ADARB2: variants seen among roughly 807,000 people sequenced by gnomAD.
ADARB2 encodes the protein adenosine deaminase RNA specific B2 (inactive).
A neutral mutation model predicts 62.2 loss-of-function variants in ADARB2; 25 were observed. The ratio of observed to expected loss-of-function variants is 0.40; its 90% CI spans 0.29 to 0.56. The LOEUF is 0.56. ADARB2 is among the 20% of genes least tolerant of loss of function. The probability of loss-of-function intolerance (pLI) is 0.43; values close to 1 mark genes in which losing one functional copy is unlikely to be tolerated. For synonymous variants in ADARB2, 572 were observed against 500.8 expected (o/e 1.14, Z -1.90); for missense variants, 1,071 against 1,077.4 (o/e 0.99, Z 0.08).
intron 1 of ADARB2, among the ~76,000 whole-genome samples, chr10:1,404,069 CA>C (rs1832686578): frequency 6.6e-6 from 1 of 152,232 alleles, no homozygotes; most frequent in Non-Finnish European, 1.5e-5. Flanking sequence ...TCTGTGTCCC[CA>C]CAGCTGGAAA....
At chr10:1,233,117 C>T (rs1326748256) in intron 6 of ADARB2, among the ~76,000 whole-genome samples, 1 of 152,120 alleles carries the variant, frequency 6.6e-6, no homozygotes, top group Non-Finnish European at 1.5e-5. Flanking sequence ...TGCCCTCCGA[C>T]CCTGGCAATC....
At chr10:1,312,060 T>A (rs1589188981) in intron 3 of ADARB2, among the ~76,000 whole-genome samples, 1 of 152,222 alleles carries the variant, frequency 6.6e-6, no homozygotes, top group East Asian at 1.9e-4. Context: ...TCAAATAAAC[T>A]CATGTGAAAA....
In ADARB2 at chr10:1,270,994, C is replaced by T. The variant is rs776230414; in HGVS notation, c.1153G>A (p.Ala385Thr). The change falls in exon 4 of 10, where the codon GCC becomes ACC. Residue 385 changes from alanine to threonine, a missense_variant. Physicochemically the swap from Ala to Thr is moderately conservative, Grantham distance 58. Transcript: ENST00000381312. The part of the protein sequence containing the change: ...EVTTDLTPMH[A>T]RHKALAGIVM... ...ATTCCTGCCAGCGCTTTATGGCGGG[C>T]GTGCATGGGCGTGAGGTCCGTCGTC... is the stretch of plus-strand genomic sequence containing the variant. 8.6e-5 allele frequency: 139 copies of T among 1,609,546 alleles called. No homozygotes were observed. In the South Asian group the frequency reaches 9.7e-4, roughly 11 times the overall value.
In ADARB2 at chr10:1,363,490, G is replaced by A; in HGVS notation, c.615C>T (p.Gly205=). 2.7e-6 allele frequency: 4 copies of A among 1,509,340 alleles called. No homozygotes were observed. The highest frequency in any genetic ancestry group is 3.5e-6 in the Non-Finnish European group (4 of 1,133,538). 93.5% of individuals were successfully genotyped at this position (1,509,340 alleles called of 1,614,324 possible). A position where few individuals can be genotyped will look rare whatever the true frequency, so the allele number is the denominator to read the frequency against. Residue 205 remains glycine, a synonymous_variant, in exon 3 of 10, where the codon GGC becomes GGT. Transcript: ENST00000381312. ...AGGTGAAGTCCGTGCCGGGGCCCGG[G>A]CCCCCGCCCATGGCCAGGTGCGCCT... is the stretch of plus-strand genomic sequence containing the variant. ...ACQAHLAMGG[G]PGPGTDFTSD...
At chr10:1,213,515 T>C (rs2387307) in intron 7 of ADARB2, among the ~76,000 whole-genome samples, 43,987 of 152,128 alleles carry the variant, frequency 0.29, 7,469 homozygotes, top group South Asian at 0.46. Context: ...CCCTGTCCAC[T>C]GCACCCCTGT....
At position 1,332,978 on chromosome 10, in the gene ADARB2, C is replaced by T. The variant is rs371145980; in HGVS notation, c.1077+30050G>A. On this transcript the variant is annotated intron_variant, in intron 3 of 9. Coordinates refer to ENST00000381312, the MANE Select transcript of ADARB2 (RefSeq NM_018702.4). Reference sequence around the variant, plus strand: ...CTTGTGTTGATGGTGGCAGAGCCAGCGATCTGACAACCTTCCTCTGTTAGC... The same window carrying T: ...CTTGTGTTGATGGTGGCAGAGCCAGTGATCTGACAACCTTCCTCTGTTAGC... 3.8e-4 allele frequency among the ~76,000 whole-genome samples: 58 copies of T among 152,310 alleles called. 2 individuals carry two copies. The highest frequency in any genetic ancestry group is 1.3e-3 in the African/African-American group (55 of 41,570).
chr10:1,630,658 T>C (rs1460430016), intron 1 of ADARB2, among the ~76,000 whole-genome samples: 1 of 152,180 alleles, frequency 6.6e-6, no homozygotes, highest in Non-Finnish European at 1.5e-5. Flanking sequence ...TGGTGGTTTA[T>C]TAAAGGTCTA....
chr10:1,600,431 T>C (rs920301519), intron 1 of ADARB2, among the ~76,000 whole-genome samples: 8 of 151,526 alleles, frequency 5.3e-5, no homozygotes, highest in Admixed American at 3.3e-4. Flanking sequence ...GAAGCTGAGA[T>C]GGGGGGATCA....
At chr10:1,443,649 A>C (rs1355575793) in intron 1 of ADARB2, among the ~76,000 whole-genome samples, 2 of 152,086 alleles carry the variant, frequency 1.3e-5, no homozygotes, top group African/African-American at 4.8e-5. Flanking sequence ...CCTTTTTTTC[A>C]GATATCAGTA....
chr10:1,623,076 G>A (rs1052052122), intron 1 of ADARB2, among the ~76,000 whole-genome samples: 4 of 152,174 alleles, frequency 2.6e-5, no homozygotes, highest in South Asian at 2.1e-4. Context: ...GAAGGAAGAC[G>A]TGACGTATGG....
At chr10:1,451,985 T>C (rs1831045804) in intron 1 of ADARB2, among the ~76,000 whole-genome samples, 1 of 152,194 alleles carries the variant, frequency 6.6e-6, no homozygotes, top group Admixed American at 6.5e-5. Flanking sequence ...AGTGGCTTGT[T>C]AAAGGACAGC....
chr10:1,730,659 T>A (rs1835219029), intron 1 of ADARB2, among the ~76,000 whole-genome samples: 1 of 138,154 alleles, frequency 7.2e-6, no homozygotes, highest in South Asian at 2.4e-4. Flanking sequence ...AGCACACATG[T>A]TACTCTTCTT....
rs948838664 is a variant in ADARB2, at chr10:1,177,674, C to T, written c.*5519G>A. ...AAGAGGCACTGGGACCAGGTGATCT[C>T]GCCTTGGTGTTTAGGGAATGCTCAT... On this transcript the variant is annotated 3_prime_UTR_variant, in exon 10 of 10. Transcript: ENST00000381312. The T allele has an allele frequency of 8.5e-5, 13 of 152,108 alleles. No individual in the cohort carries two copies. The highest frequency in any genetic ancestry group is 2.2e-4 in the African/African-American group (9 of 41,416). 9.4% of individuals were successfully genotyped at this position (152,108 alleles called of 1,614,324 possible).
chr10:1,204,738 G>A lies in ADARB2; in HGVS notation c.1683-4591C>T, dbSNP rs187631354. Among the ~76,000 whole-genome samples, 33 of 152,320 alleles carry A rather than the reference G, an allele frequency of 2.2e-4. No homozygotes were observed. The East Asian group carries it at 6.0e-3, about 28-fold the overall frequency. ...AGCACCATCGTGACTGCCTCCTGCC[G>A]GGCTGCCCCTGCCTGGCCCTCAGGT... On this transcript the variant is annotated intron_variant, in intron 7 of 9. Coordinates refer to ENST00000381312, the MANE Select transcript of ADARB2 (RefSeq NM_018702.4).
At chr10:1,487,997 T>C (rs1564305239) in intron 1 of ADARB2, among the ~76,000 whole-genome samples, 1 of 152,204 alleles carries the variant, frequency 6.6e-6, no homozygotes. Flanking sequence ...AAAGTTAATA[T>C]ATCAGCTTCA....
chr10:1,737,181 G>T lies in ADARB2; in HGVS notation c.-31C>A, dbSNP rs770270241. ...AGACCCAGGCGCGGAGCCCAGAGCCGCCTCCCTCCTGCACCTGCACCTGCC... is the reference window on the plus strand; with the variant it reads ...AGACCCAGGCGCGGAGCCCAGAGCCTCCTCCCTCCTGCACCTGCACCTGCC... On this transcript the variant is annotated 5_prime_UTR_variant, in exon 1 of 10. Coordinates refer to ENST00000381312, the MANE Select transcript of ADARB2 (RefSeq NM_018702.4). The T allele has an allele frequency of 3.1e-6, 5 of 1,597,322 alleles. No individual in the cohort carries two copies. The highest frequency in any genetic ancestry group is 1.7e-5 in the Admixed American group (1 of 59,976).
chr10:1,649,281 C>G (rs977517426), intron 1 of ADARB2, among the ~76,000 whole-genome samples: 2 of 152,212 alleles, frequency 1.3e-5, no homozygotes, highest in African/African-American at 4.8e-5. Flanking sequence ...GAAATCGTAT[C>G]ATAAATTGGA....
At chr10:1,647,802 ATG>A (rs138674124) in intron 1 of ADARB2, among the ~76,000 whole-genome samples, 36,986 of 151,462 alleles carry the variant, frequency 0.24, 4,741 homozygotes, top group Middle Eastern at 0.35. Context: ...GCATGTGTAT[ATG>A]TGTGTGTGTA....
chr10:1,664,970 C>T (rs928711089), intron 1 of ADARB2, among the ~76,000 whole-genome samples: 2 of 152,120 alleles, frequency 1.3e-5, no homozygotes, highest in Non-Finnish European at 2.9e-5. Flanking sequence ...GGCCACAGAA[C>T]CGAAAGAAAG....
Sources: allele counts gnomAD v4.1 joint callset (sites outside exome capture counted in the v4.1 genomes callset), GRCh38; gene constraint gnomAD v4.1.1; transcripts MANE v1.5; gene names NCBI Gene and HGNC (gene_info 2026-07-23, HGNC 2026-07-21).